FAM210A: variants seen among roughly 807,000 people sequenced by gnomAD.
The protein encoded by FAM210A is mitochondrial inner membrane scaffold 1, also known as family with sequence similarity 210 member A.
In FAM210A, 13 loss-of-function variants were observed where a neutral mutation model predicts 25.3. That is an observed-to-expected ratio of 0.51 (90% CI 0.33 to 0.82). The LOEUF (loss-of-function observed/expected upper bound fraction) is 0.82. FAM210A is among the 40% of genes least tolerant of loss of function. FAM210A has a pLI of 0.02. For missense variants in FAM210A, 319 were observed against 323.2 expected, an observed-to-expected ratio of 0.99 and a Z score of 0.10; for synonymous variants, 125 against 118.7, an observed-to-expected ratio of 1.05 and a Z score of -0.35.
intron 3 of FAM210A, among the ~76,000 whole-genome samples, chr18:13,668,106 T>C (rs545480080): frequency 6.6e-6 from 1 of 152,318 alleles, no homozygotes; most frequent in Admixed American, 6.5e-5. Flanking sequence ...TAACAAAACT[T>C]TGAAAGAGCT....
At chr18:13,708,434 G>A (rs2043796840) in intron 1 of FAM210A, among the ~76,000 whole-genome samples, 1 of 152,202 alleles carries the variant, frequency 6.6e-6, no homozygotes, top group South Asian at 2.1e-4. Flanking sequence ...GGATGGTGGG[G>A]TGAGTCTCAA....
chr18:13,705,290 A>T (rs560677703), intron 1 of FAM210A, among the ~76,000 whole-genome samples: 1 of 152,334 alleles, frequency 6.6e-6, no homozygotes, highest in South Asian at 2.1e-4. Context: ...ACTGGCATTC[A>T]AGAGGACATA....
chr18:13,725,186 G>A (rs756908571), intron 1 of FAM210A, among the ~76,000 whole-genome samples: 2 of 152,188 alleles, frequency 1.3e-5, no homozygotes, highest in Non-Finnish European at 2.9e-5. Flanking sequence ...GTAATTGCCT[G>A]GTTCTAATGC....
At chr18:13,679,782 TA>T (rs900323170) in intron 2 of FAM210A, among the ~76,000 whole-genome samples, 1 of 152,026 alleles carries the variant, frequency 6.6e-6, no homozygotes, top group African/African-American at 2.4e-5. Context: ...GGGAGGAAAA[TA>T]AAACTAAGAA....
chr18:13,671,421 A>G (rs2043440824), intron 3 of FAM210A, among the ~76,000 whole-genome samples: 1 of 152,216 alleles, frequency 6.6e-6, no homozygotes, highest in East Asian at 1.9e-4. Flanking sequence ...CAACGGGAGC[A>G]ATGTCAAACA....
At chr18:13,682,681 C>A (rs2043565786) in intron 1 of FAM210A, among the ~76,000 whole-genome samples, 1 of 152,090 alleles carries the variant, frequency 6.6e-6, no homozygotes, top group Admixed American at 6.5e-5. Context: ...CCAGCCTGGC[C>A]AACATGGCAA....
intron 1 of FAM210A, among the ~76,000 whole-genome samples, chr18:13,711,281 G>A (rs2043819260): frequency 6.6e-6 from 1 of 152,072 alleles, no homozygotes; most frequent in Non-Finnish European, 1.5e-5. Flanking sequence ...TGAGGCAGGA[G>A]AATCCCTTGA....
intron 1 of FAM210A, among the ~76,000 whole-genome samples, chr18:13,703,421 C>T (rs923741920): frequency 6.6e-6 from 1 of 152,160 alleles, no homozygotes. Context: ...GGATGCCATA[C>T]AATTAAATGC....
chr18:13,710,993 T>G (rs1349237477), intron 1 of FAM210A, among the ~76,000 whole-genome samples: 1 of 152,202 alleles, frequency 6.6e-6, no homozygotes, highest in Non-Finnish European at 1.5e-5. Context: ...CCTTCATTGT[T>G]GTATAGATAT....
chr18:13,697,183 C>T (rs930959243), intron 1 of FAM210A, among the ~76,000 whole-genome samples: 2 of 152,008 alleles, frequency 1.3e-5, no homozygotes, highest in African/African-American at 4.8e-5. Flanking sequence ...TTTCTCAGAC[C>T]ACATCTCTGT....
intron 1 of FAM210A, among the ~76,000 whole-genome samples, chr18:13,686,713 A>G (rs2043600157): frequency 6.6e-6 from 1 of 152,238 alleles, no homozygotes; most frequent in Admixed American, 6.5e-5. Context: ...AAACCCACAC[A>G]AGGAGAAATA....
intron 1 of FAM210A, among the ~76,000 whole-genome samples, chr18:13,702,742 G>A (rs933594150): frequency 4.6e-5 from 7 of 152,186 alleles, no homozygotes; most frequent in Non-Finnish European, 1.0e-4. Flanking sequence ...GGTGATCCGG[G>A]TCCAATACCT....
chr18:13,677,493 A>G (rs72884493), intron 2 of FAM210A, among the ~76,000 whole-genome samples: 35,813 of 152,174 alleles, frequency 0.24, 5,351 homozygotes, highest in Non-Finnish European at 0.34. Context: ...AACAGAACAG[A>G]ACACAACACA....
At chr18:13,677,430 C>A (rs905783025) in intron 2 of FAM210A, among the ~76,000 whole-genome samples, 1 of 150,320 alleles carries the variant, frequency 6.7e-6, no homozygotes, top group Non-Finnish European at 1.5e-5. Context: ...GGGTCGTGAT[C>A]GACTGAGTAA....
At chr18:13,716,033 CG>C (rs2043859425) in intron 1 of FAM210A, among the ~76,000 whole-genome samples, 1 of 152,102 alleles carries the variant, frequency 6.6e-6, no homozygotes, top group Non-Finnish European at 1.5e-5. Flanking sequence ...ACTCAACACC[CG>C]AAGTGTAACT....
chr18:13,710,630 A>C (rs1321955424), intron 1 of FAM210A: 4 of 152,124 alleles, frequency 2.6e-5, no homozygotes, highest in African/African-American at 9.7e-5. Context: ...GGTCTTCCTA[A>C]ATATTTTTTA....
At chr18:13,700,699 T>C (rs1203101698) in intron 1 of FAM210A, among the ~76,000 whole-genome samples, 1 of 152,222 alleles carries the variant, frequency 6.6e-6, no homozygotes. Context: ...AAACTAAATA[T>C]GGCCTAAGAA....
At chr18:13,669,914 T>C (rs1227579055) in intron 3 of FAM210A, among the ~76,000 whole-genome samples, 1 of 152,210 alleles carries the variant, frequency 6.6e-6, no homozygotes. Context: ...AATAAATCTG[T>C]GTCTGTTGCT....
intron 1 of FAM210A, among the ~76,000 whole-genome samples, chr18:13,693,774 T>G (rs2043669546): frequency 3.3e-5 from 1 of 30,348 alleles, no homozygotes; most frequent in African/African-American, 9.0e-5. Context: ...TATGACAATA[T>G]CTACTGAATG....
Sources: gnomAD v4.1 joint callset for allele counts (sites outside exome capture counted in the v4.1 genomes callset) on GRCh38, gnomAD v4.1.1 for gene constraint, MANE v1.5 for transcripts, NCBI Gene and HGNC (gene_info 2026-07-23, HGNC 2026-07-21) for gene names.